BANK1: variants seen among roughly 807,000 people sequenced by gnomAD.
The protein encoded by BANK1 is B cell scaffold protein with ankyrin repeats 1.
BANK1 carries 95 observed loss-of-function variants against 94.5 expected under a neutral mutation model. The ratio of observed to expected loss-of-function variants is 1.00; its 90% CI spans 0.85 to 1.19. The LOEUF (loss-of-function observed/expected upper bound fraction) is 1.19. Ranked by LOEUF, BANK1 falls within the 50% of genes most tolerant of loss-of-function variation. The pLI is 0.00. For missense variants in BANK1, 987 were observed against 932.2 expected (o/e 1.06, Z -0.77); for synonymous variants, 334 against 308.4 (o/e 1.08, Z -0.87).
intron 9 of BANK1, among the ~76,000 whole-genome samples, chr4:102,026,737 G>T (rs77415787): frequency 5.3e-5 from 8 of 150,302 alleles, no homozygotes; most frequent in Non-Finnish European, 1.0e-4. Flanking sequence ...CAGGAGAATC[G>T]CTTGAGCCCG....
At chr4:101,956,737 T>TA (rs1324237410) in intron 7 of BANK1, among the ~76,000 whole-genome samples, 4 of 151,982 alleles carry the variant, frequency 2.6e-5, no homozygotes, top group Non-Finnish European at 4.4e-5. Context: ...ACAAAGAGAA[T>TA]AAAAAAAATG....
chr4:101,850,095 T>C (rs574678992), intron 2 of BANK1, among the ~76,000 whole-genome samples: 132 of 152,270 alleles, frequency 8.7e-4, no homozygotes, highest in Admixed American at 8.2e-3. Context: ...TGGATAGGGA[T>C]TATATTTTTA....
intron 7 of BANK1, among the ~76,000 whole-genome samples, chr4:101,942,452 T>C (rs1191761406): frequency 6.6e-6 from 1 of 151,866 alleles, no homozygotes; most frequent in East Asian, 1.9e-4. Context: ...AGAGTTGAAC[T>C]AGAAAGTTAG....
chr4:101,973,419 A>G (rs6842900), intron 7 of BANK1, among the ~76,000 whole-genome samples: 1 of 152,092 alleles, frequency 6.6e-6, no homozygotes, highest in Non-Finnish European at 1.5e-5. Context: ...TAAGTTGCTC[A>G]AAGCCATACA....
At chr4:101,933,903 C>T (rs917501987) in intron 7 of BANK1, among the ~76,000 whole-genome samples, 3 of 151,468 alleles carry the variant, frequency 2.0e-5, no homozygotes, top group African/African-American at 7.3e-5. Context: ...CAGATTACCC[C>T]ATAATTATTG....
intron 7 of BANK1, among the ~76,000 whole-genome samples, chr4:101,937,373 C>G (rs1723603358): frequency 2.0e-5 from 3 of 151,020 alleles, no homozygotes; most frequent in Admixed American, 2.0e-4. Flanking sequence ...CTACAAGGAA[C>G]TTAAACAAAT....
chr4:101,969,526 T>C (rs1363823927), intron 7 of BANK1, among the ~76,000 whole-genome samples: 1 of 152,068 alleles, frequency 6.6e-6, no homozygotes. Context: ...TTTGGTAATT[T>C]TATAACAACA....
intron 7 of BANK1, among the ~76,000 whole-genome samples, chr4:101,989,133 G>A (rs1048761348): frequency 6.6e-6 from 1 of 152,052 alleles, no homozygotes; most frequent in African/African-American, 2.4e-5. Flanking sequence ...AACATAGCAA[G>A]AACCCCCTGT....
intron 7 of BANK1, among the ~76,000 whole-genome samples, chr4:102,001,284 G>T (rs1380559256): frequency 6.6e-6 from 1 of 152,184 alleles, no homozygotes; most frequent in Non-Finnish European, 1.5e-5. Context: ...GTTTTATTCT[G>T]TTACCACTTC....
chr4:101,791,239 C>G (rs955855684), intron 1 of BANK1, among the ~76,000 whole-genome samples: 5 of 140,100 alleles, frequency 3.6e-5, no homozygotes, highest in African/African-American at 1.2e-4. Flanking sequence ...TCCCCAGCAC[C>G]CGGGTCAGGG....
chr4:101,971,455 A>G lies in BANK1; in HGVS notation c.1207-50059A>G, dbSNP rs889649709. ...TTCACATCTAAAACTATCCTAGGTCATCTCTCCACACTTAATTATTTCCTT... is the reference window on the plus strand; with the variant it reads ...TTCACATCTAAAACTATCCTAGGTCGTCTCTCCACACTTAATTATTTCCTT... On this transcript the variant is annotated intron_variant, in intron 7 of 16. Transcript: ENST00000322953. Among the ~76,000 whole-genome samples, 7 of 152,192 alleles carry G rather than the reference A, an allele frequency of 4.6e-5. No individual in the cohort carries two copies. The South Asian group carries it at 1.5e-3, about 32-fold the overall frequency.
chr4:101,805,393 A>G (rs1383149492), intron 1 of BANK1, among the ~76,000 whole-genome samples: 2 of 152,070 alleles, frequency 1.3e-5, no homozygotes, highest in African/African-American at 4.8e-5. Flanking sequence ...GATGCTCTTT[A>G]AAGAAAAGGG....
intron 7 of BANK1, among the ~76,000 whole-genome samples, chr4:101,939,786 A>G (rs1216376828): frequency 6.6e-6 from 1 of 151,752 alleles, no homozygotes. Context: ...TTCAAAGTTG[A>G]CATGATTTTA....
At chr4:101,817,654 A>G (rs140616571) in intron 1 of BANK1, among the ~76,000 whole-genome samples, 114 of 152,198 alleles carry the variant, frequency 7.5e-4, no homozygotes, top group African/African-American at 2.6e-3. Flanking sequence ...TATGTAACAA[A>G]CCTGCACATC....
At chr4:101,872,543 G>A (rs1389591119) in intron 5 of BANK1, among the ~76,000 whole-genome samples, 1 of 152,176 alleles carries the variant, frequency 6.6e-6, no homozygotes, top group African/African-American at 2.4e-5. Flanking sequence ...TTCTACCCCT[G>A]AGGAAGCAAC....
At chr4:102,047,995 CTTG>C (rs1727939101) in intron 11 of BANK1, among the ~76,000 whole-genome samples, 1 of 152,150 alleles carries the variant, frequency 6.6e-6, no homozygotes, top group South Asian at 2.1e-4. Flanking sequence ...CTGTCCATAT[CTTG>C]TTACCTAATT....
At chr4:101,978,382 G>A (rs111259902) in intron 7 of BANK1, among the ~76,000 whole-genome samples, 1 of 152,000 alleles carries the variant, frequency 6.6e-6, no homozygotes, top group Non-Finnish European at 1.5e-5. Context: ...ATTAAATTCT[G>A]TAGAGGGAGA....
intron 1 of BANK1, among the ~76,000 whole-genome samples, chr4:101,801,806 AAT>A (rs1725363702): frequency 6.6e-6 from 1 of 152,216 alleles, no homozygotes; most frequent in South Asian, 2.1e-4. Flanking sequence ...ATGCATCACA[AAT>A]ATTTTTCTTT....
chr4:101,984,202 G>T (rs190087803), intron 7 of BANK1, among the ~76,000 whole-genome samples: 6 of 152,074 alleles, frequency 3.9e-5, no homozygotes, highest in Admixed American at 3.3e-4. Flanking sequence ...ACCTAAGAAA[G>T]CTCGAAAAAG....
Sources: gnomAD v4.1 joint callset for allele counts (sites outside exome capture counted in the v4.1 genomes callset) on GRCh38, gnomAD v4.1.1 for gene constraint, MANE v1.5 for transcripts, NCBI Gene and HGNC (gene_info 2026-07-23, HGNC 2026-07-21) for gene names.